PGM5: variants seen among roughly 807,000 people sequenced by gnomAD.
The protein encoded by PGM5 is phosphoglucomutase-like protein 5.
In PGM5, 23 loss-of-function variants were observed where a neutral mutation model predicts 59.2. That is an observed-to-expected ratio of 0.39 (90% CI 0.28 to 0.55). The LOEUF (loss-of-function observed/expected upper bound fraction) is 0.55. PGM5 is among the 20% of genes least tolerant of loss of function. The pLI, the probability that PGM5 is intolerant of heterozygous loss-of-function variation, is 0.66. For missense variants in PGM5, 574 were observed against 748.3 expected (o/e 0.77, Z 2.72); for synonymous variants, 214 against 286.0 (o/e 0.75, Z 2.54).
chr9:68,417,308 A>G (rs1011009619), intron 6 of PGM5, among the ~76,000 whole-genome samples: 2 of 152,192 alleles, frequency 1.3e-5, no homozygotes, highest in African/African-American at 4.8e-5. Flanking sequence ...TTATGCCTTC[A>G]GCTTTCAGGC....
In PGM5 at chr9:68,465,028, G is replaced by A. The variant is rs181765971; in HGVS notation, c.1044-65G>A. 62 of 1,018,624 alleles carry A rather than the reference G, an allele frequency of 6.1e-5. 1 individual carries two copies. The African/African-American group carries it at 7.4e-4, about 12-fold the overall frequency. The allele number at this position is 1,018,624 out of a possible 1,614,324, so 63.1% of individuals were successfully genotyped here. ...TAGTAGATCCTAAAGACTTCCTACT[G>A]TGCTGAGAAAAAAAAACAGAAAATG... On this transcript the variant is annotated intron_variant, in intron 6 of 10. Transcript: ENST00000396396.
chr9:68,442,064 A>G (rs1823537179), intron 6 of PGM5, among the ~76,000 whole-genome samples: 1 of 152,206 alleles, frequency 6.6e-6, no homozygotes, highest in Non-Finnish European at 1.5e-5. Context: ...AAAAAAGTCT[A>G]AGAATACCTA....
chr9:68,412,545 G>T (rs1554681676), intron 6 of PGM5, among the ~76,000 whole-genome samples: 1 of 152,156 alleles, frequency 6.6e-6, no homozygotes, highest in Non-Finnish European at 1.5e-5. Flanking sequence ...TTCCTTAATG[G>T]ATGAAATCAC....
intron 6 of PGM5, among the ~76,000 whole-genome samples, chr9:68,400,333 A>T (rs1554680468): frequency 6.6e-6 from 1 of 152,022 alleles, no homozygotes; most frequent in Admixed American, 6.6e-5. Flanking sequence ...CTTATCCTGC[A>T]CTCTAAACAT....
At chr9:68,387,709 C>G in intron 4 of PGM5, 121 bp downstream of exon 4, 1 of 936,242 alleles carries the variant, frequency 1.1e-6, no homozygotes, top group Non-Finnish European at 1.6e-6. Context: ...TGTGTATGTT[C>G]AGATATTTGG....
At chr9:68,378,947 A>C (rs1330538430) in intron 2 of PGM5, among the ~76,000 whole-genome samples, 1 of 152,188 alleles carries the variant, frequency 6.6e-6, no homozygotes, top group Non-Finnish European at 1.5e-5. Flanking sequence ...GAGAATAAGA[A>C]ATAGATAACA....
chr9:68,374,163 TA>T (rs1271463719), intron 1 of PGM5, among the ~76,000 whole-genome samples: 1 of 152,242 alleles, frequency 6.6e-6, no homozygotes, highest in Non-Finnish European at 1.5e-5. Flanking sequence ...ACAATCTTCA[TA>T]ATTTTCCCTT....
chr9:68,357,088 C>T lies in PGM5; in HGVS notation c.-40C>T, dbSNP rs782726866. The T allele has an allele frequency of 1.4e-6, 2 of 1,443,376 alleles. No homozygotes were observed. Among genetic ancestry groups the T allele is most frequent in the Non-Finnish European group, 1.8e-6 (2 of 1,104,404 alleles). The allele number at this position is 1,443,376 out of a possible 1,614,324, so 89.4% of individuals were successfully genotyped here. A position where few individuals can be genotyped will look rare whatever the true frequency, so the allele number is the denominator to read the frequency against. ...GCCCCCGGCAGGCTGCAGATTCCCT[C>T]CGGCTCCGGGAGCCGCAGCAGGACC... On this transcript the variant is annotated 5_prime_UTR_variant, in exon 1 of 11. Coordinates refer to ENST00000396396, the MANE Select transcript of PGM5 (RefSeq NM_021965.4).
intron 1 of PGM5, among the ~76,000 whole-genome samples, chr9:68,366,382 G>T (rs868928473): frequency 1.3e-5 from 2 of 152,248 alleles, no homozygotes; most frequent in Non-Finnish European, 2.9e-5. Flanking sequence ...TTTATATGTA[G>T]TATGAAAAAG....
chr9:68,415,155 A>G (rs1455789006), intron 6 of PGM5, among the ~76,000 whole-genome samples: 1 of 148,930 alleles, frequency 6.7e-6, no homozygotes, highest in South Asian at 2.1e-4. Flanking sequence ...CTGTCCATTT[A>G]CTTTCTGGTC....
intron 10 of PGM5, among the ~76,000 whole-genome samples, chr9:68,527,011 G>A (rs1824987317): frequency 1.3e-5 from 2 of 152,256 alleles, no homozygotes; most frequent in East Asian, 1.9e-4. Context: ...ATATTAGAAA[G>A]TGATCTTTTG....
At chr9:68,360,190 G>A (rs1563979400) in intron 1 of PGM5, among the ~76,000 whole-genome samples, 1 of 152,042 alleles carries the variant, frequency 6.6e-6, no homozygotes, top group African/African-American at 2.4e-5. Flanking sequence ...AATTGCTGGA[G>A]AAGAAAAACA....
At chr9:68,485,875 G>T (rs528030127) in intron 9 of PGM5, among the ~76,000 whole-genome samples, 1 of 152,290 alleles carries the variant, frequency 6.6e-6, no homozygotes, top group African/African-American at 2.4e-5. Context: ...AGCTCAAGGG[G>T]GGTGATGAGA....
chr9:68,443,719 C>T (rs1352359952), intron 6 of PGM5, among the ~76,000 whole-genome samples: 1 of 152,204 alleles, frequency 6.6e-6, no homozygotes, highest in African/African-American at 2.4e-5. Context: ...AGTAGAGAGT[C>T]TGAGAGTCCT....
chr9:68,411,040 G>A (rs1822920881), intron 6 of PGM5, among the ~76,000 whole-genome samples: 1 of 152,118 alleles, frequency 6.6e-6, no homozygotes, highest in South Asian at 2.1e-4. Context: ...GCAGAAAAAA[G>A]ACTGCCTACT....
At chr9:68,361,929 C>T (rs1265413470) in intron 1 of PGM5, among the ~76,000 whole-genome samples, 3 of 151,948 alleles carry the variant, frequency 2.0e-5, no homozygotes, top group African/African-American at 7.3e-5. Context: ...CACTGCCTAT[C>T]TCCTCTGTTA....
At chr9:68,423,246 G>A (rs1311483521) in intron 6 of PGM5, among the ~76,000 whole-genome samples, 1 of 152,088 alleles carries the variant, frequency 6.6e-6, no homozygotes, top group South Asian at 2.1e-4. Context: ...ACCCAGTAGT[G>A]GGATTGCTGG....
At chr9:68,442,390 T>A (rs1823543762) in intron 6 of PGM5, among the ~76,000 whole-genome samples, 1 of 152,194 alleles carries the variant, frequency 6.6e-6, no homozygotes, top group South Asian at 2.1e-4. Context: ...GTTCAAGTGA[T>A]CCTCCTGCCT....
Position 68,530,526 on chromosome 9 carries a change from TG to T in PGM5, c.*871del, listed in dbSNP as rs1400781709. ...GAGAAGGCAAAAAGACCACCATGTG[TG>T]AGAGCTCTTTGACTTGGCCAATAGG... On this transcript the variant is annotated 3_prime_UTR_variant, in exon 11 of 11. Coordinates refer to ENST00000396396, the MANE Select transcript of PGM5 (RefSeq NM_021965.4). 6.6e-6 allele frequency: 1 copy of T among 152,244 alleles called. No homozygotes were observed. Among genetic ancestry groups the T allele is most frequent in the Non-Finnish European group, 1.5e-5 (1 of 68,054 alleles). 9.4% of individuals were successfully genotyped at this position (152,244 alleles called of 1,614,324 possible).
Sources: gnomAD v4.1 joint callset for allele counts (sites outside exome capture counted in the v4.1 genomes callset) on GRCh38, gnomAD v4.1.1 for gene constraint, MANE v1.5 for transcripts, NCBI Gene and HGNC (gene_info 2026-07-23, HGNC 2026-07-21) for gene names.